Variants in DLG2 observed in about 807,000 individuals in gnomAD.
The protein encoded by DLG2 is disks large homolog 2.
DLG2 carries 45 observed loss-of-function variants against 132.5 expected under a neutral mutation model. That is an observed-to-expected ratio of 0.34 (90% confidence interval 0.27 to 0.44). The LOEUF (loss-of-function observed/expected upper bound fraction) is 0.44, where lower values mean the gene tolerates loss of function less well. Among genes scored for constraint, DLG2 ranks in the 20% least tolerant of loss-of-function variants. The pLI, the probability that DLG2 is intolerant of heterozygous loss-of-function variation, is 1.00. For missense variants in DLG2, 1,045 were observed against 1,196.9 expected (o/e 0.87, Z 1.87); for synonymous variants, 424 against 419.6 (o/e 1.01, Z -0.13).
At chr11:83,808,277 C>T (rs1394443555) in intron 17 of DLG2, among the ~76,000 whole-genome samples, 1 of 152,168 alleles carries the variant, frequency 6.6e-6, no homozygotes, top group Admixed American at 6.5e-5. Flanking sequence ...AGCATTTTAA[C>T]GTCAAACCCT....
chr11:84,956,963 A>G (rs1410259986), intron 6 of DLG2, among the ~76,000 whole-genome samples: 1 of 152,206 alleles, frequency 6.6e-6, no homozygotes, highest in Non-Finnish European at 1.5e-5. Flanking sequence ...ATATTTTCAT[A>G]TATCTTTGTA....
At chr11:84,729,803 C>A (rs1297905340) in intron 6 of DLG2, among the ~76,000 whole-genome samples, 1 of 151,984 alleles carries the variant, frequency 6.6e-6, no homozygotes, top group Non-Finnish European at 1.5e-5. Flanking sequence ...ACTGCTTCCA[C>A]CTAGGCCCTA....
At chr11:84,502,332 T>C (rs1443151256) in intron 7 of DLG2, among the ~76,000 whole-genome samples, 6 of 23,680 alleles carry the variant, frequency 2.5e-4, no homozygotes, top group Admixed American at 9.1e-4. Context: ...CTTTCTTTCT[T>C]TCTTTCTTTC....
At chr11:85,250,396 T>G (rs879443203) in intron 4 of DLG2, among the ~76,000 whole-genome samples, 1 of 152,210 alleles carries the variant, frequency 6.6e-6, no homozygotes, top group Non-Finnish European at 1.5e-5. Flanking sequence ...CATATTATCA[T>G]AGTAGTATGC....
At chr11:84,138,242 A>C (rs914220949) in intron 9 of DLG2, among the ~76,000 whole-genome samples, 2 of 152,214 alleles carry the variant, frequency 1.3e-5, no homozygotes, top group African/African-American at 2.4e-5. Context: ...AGGTAAGGTA[A>C]TACAATGGAT....
At chr11:83,646,963 CTT>C (rs1456337952) in intron 18 of DLG2, 2 of 152,130 alleles carry the variant, frequency 1.3e-5, no homozygotes, top group African/African-American at 4.8e-5. Flanking sequence ...TGGATTACCT[CTT>C]GATTCTCTGG....
intron 7 of DLG2, among the ~76,000 whole-genome samples, chr11:84,255,880 C>A (rs927513352): frequency 1.4e-4 from 21 of 152,076 alleles, no homozygotes; most frequent in Middle Eastern, 3.4e-3. Context: ...AACTATGAAG[C>A]CTTTTTTTGT....
intron 6 of DLG2, among the ~76,000 whole-genome samples, chr11:85,087,863 A>C (rs1261586056): frequency 1.3e-5 from 2 of 148,868 alleles, no homozygotes; most frequent in African/African-American, 4.9e-5. Flanking sequence ...AAAAAAAAAA[A>C]AAAAAACAGA....
At chr11:83,469,104 G>GCAAT in intron 25 of DLG2, 97 bp downstream of exon 25, 1 of 845,534 alleles carries the variant, frequency 1.2e-6, no homozygotes, top group South Asian at 2.0e-5. Flanking sequence ...ATTTACAATT[G>GCAAT]CAATCAAGAA....
Position 83,795,029 on chromosome 11 carries a change from C to T in DLG2, c.1723-8237G>A, listed in dbSNP as rs190773845. ...CTTATAATGATTAGATCATGTAGGGCTAAAGCAAAAGGCATTGTCAAGCTA... is the reference window on the plus strand; with the variant it reads ...CTTATAATGATTAGATCATGTAGGGTTAAAGCAAAAGGCATTGTCAAGCTA... On this transcript the variant is annotated intron_variant, in intron 17 of 27. Coordinates refer to ENST00000376104, the MANE Select transcript of DLG2 (RefSeq NM_001142699.3). Among the ~76,000 whole-genome samples the T allele has an allele frequency of 2.2e-3, 332 of 152,234 alleles. 1 individual carries two copies. The highest frequency in any genetic ancestry group is 7.6e-3 in the African/African-American group (316 of 41,534).
In DLG2 at chr11:83,780,737, A is replaced by G. The variant is rs555059092; in HGVS notation, c.1825+5953T>C. On this transcript the variant is annotated intron_variant, in intron 18 of 27. Coordinates refer to ENST00000376104, the MANE Select transcript of DLG2 (RefSeq NM_001142699.3). ...GGCGGGGTAGACAAAGTAGAGCTGAATGGCACATGAACTTCTTAGATCTCC... is the reference window on the plus strand; with the variant it reads ...GGCGGGGTAGACAAAGTAGAGCTGAGTGGCACATGAACTTCTTAGATCTCC... Among the ~76,000 whole-genome samples, 102 of 152,312 alleles carry G rather than the reference A, an allele frequency of 6.7e-4. 1 individual carries two copies. The highest frequency in any genetic ancestry group is 5.0e-4 in the Non-Finnish European group (34 of 68,012).
At chr11:85,582,696 A>C (rs952824683) in intron 3 of DLG2, among the ~76,000 whole-genome samples, 57 of 136,514 alleles carry the variant, frequency 4.2e-4, no homozygotes, top group Non-Finnish European at 5.9e-4. Flanking sequence ...AAAAAAAAAA[A>C]AAAAAAAAAC....
chr11:85,429,690 T>C (rs1425968600), intron 3 of DLG2, among the ~76,000 whole-genome samples: 1 of 152,128 alleles, frequency 6.6e-6, no homozygotes, highest in Non-Finnish European at 1.5e-5. Flanking sequence ...ATGGCAATCA[T>C]TAAAAAGTCA....
intron 3 of DLG2, among the ~76,000 whole-genome samples, chr11:85,297,142 TC>T (rs1362234063): frequency 6.6e-6 from 1 of 152,004 alleles, no homozygotes; most frequent in Non-Finnish European, 1.5e-5. Flanking sequence ...TTCCCCAACT[TC>T]CCCAATAACT....
chr11:84,388,875 G>A (rs1353185905), intron 7 of DLG2, among the ~76,000 whole-genome samples: 1 of 152,020 alleles, frequency 6.6e-6, no homozygotes, highest in Non-Finnish European at 1.5e-5. Flanking sequence ...TTTGTTCACT[G>A]ACTACATTGA....
intron 15 of DLG2, among the ~76,000 whole-genome samples, chr11:83,907,325 G>A (rs574932971): frequency 2.0e-4 from 30 of 152,194 alleles, no homozygotes; most frequent in African/African-American, 7.2e-4. Flanking sequence ...ATATGGGCAG[G>A]TAAACAAATT....
In DLG2 at chr11:84,352,790, T is replaced by C. The variant is rs187222251; in HGVS notation, c.520-101499A>G. 1.8e-4 allele frequency among the ~76,000 whole-genome samples: 28 copies of C among 152,314 alleles called. No individual in the cohort carries two copies. The East Asian group carries it at 1.9e-3, about 10-fold the overall frequency. On this transcript the variant is annotated intron_variant, in intron 7 of 27. Coordinates refer to ENST00000376104, the MANE Select transcript of DLG2 (RefSeq NM_001142699.3). ...TATTAAAACAGACAATGTGGAACTT[T>C]ATGAAAGAGAAAAGCAGGACTTGTA... is the stretch of plus-strand genomic sequence containing the variant.
intron 19 of DLG2, among the ~76,000 whole-genome samples, chr11:83,544,182 A>AT (rs1213222985): frequency 5.3e-5 from 8 of 152,038 alleles, no homozygotes; most frequent in African/African-American, 1.9e-4. Flanking sequence ...CTTGCAGCTA[A>AT]TTTTTTCCAG....
intron 3 of DLG2, among the ~76,000 whole-genome samples, chr11:85,455,696 C>A (rs1051722417): frequency 6.6e-6 from 1 of 152,034 alleles, no homozygotes; most frequent in Non-Finnish European, 1.5e-5. Context: ...GAAGTATGCT[C>A]CTTCAGTGCC....
Sources: allele counts gnomAD v4.1 joint callset (sites outside exome capture counted in the v4.1 genomes callset), GRCh38; gene constraint gnomAD v4.1.1; transcripts MANE v1.5; gene names NCBI Gene and HGNC (gene_info 2026-07-23, HGNC 2026-07-21).